ZDHHC14: variants seen among roughly 807,000 people sequenced by gnomAD.
ZDHHC14 encodes zDHHC palmitoyltransferase 14.
In ZDHHC14, 16 loss-of-function variants were observed where a neutral mutation model predicts 47.7. The ratio of observed to expected loss-of-function variants is 0.34; its 90% CI spans 0.23 to 0.51. ZDHHC14 has a LOEUF of 0.51. ZDHHC14 is among the 20% of genes least tolerant of loss of function. ZDHHC14 has a pLI of 0.97. For missense variants in ZDHHC14, 515 were observed against 662.5 expected (o/e 0.78, Z 2.44); for synonymous variants, 293 against 278.9 (o/e 1.05, Z -0.50).
intron 1 of ZDHHC14, among the ~76,000 whole-genome samples, chr6:157,383,692 C>G (rs1777257685): frequency 6.6e-6 from 1 of 152,212 alleles, no homozygotes; most frequent in Non-Finnish European, 1.5e-5. Context: ...CACACAACTC[C>G]TCTTCCCCAT....
intron 6 of ZDHHC14, 25 bp downstream of exon 6, chr6:157,645,864 C>G (rs768261687): frequency 3.1e-6 from 5 of 1,600,718 alleles, no homozygotes; most frequent in Non-Finnish European, 4.3e-6. Flanking sequence ...ACACGGGACA[C>G]GGGCGTGTTC....
chr6:157,540,302 G>A (rs1448105476), intron 1 of ZDHHC14, among the ~76,000 whole-genome samples: 1 of 152,200 alleles, frequency 6.6e-6, no homozygotes, highest in East Asian at 1.9e-4. Flanking sequence ...TCCCAACCCT[G>A]CAGAGAGTGC....
intron 1 of ZDHHC14, among the ~76,000 whole-genome samples, chr6:157,444,420 G>A (rs1778620127): frequency 6.6e-6 from 1 of 152,228 alleles, no homozygotes; most frequent in Non-Finnish European, 1.5e-5. Context: ...GCTCACGCCT[G>A]TAATCCAAGC....
chr6:157,512,113 C>T (rs865925789), intron 1 of ZDHHC14, among the ~76,000 whole-genome samples: 40 of 152,338 alleles, frequency 2.6e-4, no homozygotes, highest in Middle Eastern at 3.4e-3. Flanking sequence ...TCTTGCAGTT[C>T]CCTCCTGCGG....
chr6:157,538,103 C>T (rs1317683209), intron 1 of ZDHHC14, among the ~76,000 whole-genome samples: 1 of 152,224 alleles, frequency 6.6e-6, no homozygotes, highest in Non-Finnish European at 1.5e-5. Context: ...ATTTCTAGGA[C>T]AAACTCAGCA....
chr6:157,571,590 T>G (rs1783097616), intron 2 of ZDHHC14, among the ~76,000 whole-genome samples: 1 of 152,190 alleles, frequency 6.6e-6, no homozygotes, highest in East Asian at 1.9e-4. Context: ...CTTTCTCTTT[T>G]GTCTGTGTTT....
At chr6:157,622,372 C>T (rs1388888773) in intron 3 of ZDHHC14, among the ~76,000 whole-genome samples, 1 of 152,158 alleles carries the variant, frequency 6.6e-6, no homozygotes, top group Non-Finnish European at 1.5e-5. Context: ...GCCTGGGCAA[C>T]AGAGCAAGGC....
intron 1 of ZDHHC14, among the ~76,000 whole-genome samples, chr6:157,444,924 G>C (rs1294260411): frequency 6.6e-6 from 1 of 152,078 alleles, no homozygotes; most frequent in Non-Finnish European, 1.5e-5. Context: ...ACTGATCAAG[G>C]CAAAGCCCAG....
chr6:157,391,418 T>C (rs567989813), intron 1 of ZDHHC14, among the ~76,000 whole-genome samples: 36 of 152,266 alleles, frequency 2.4e-4, no homozygotes, highest in African/African-American at 8.2e-4. Flanking sequence ...TTCTGACCCT[T>C]TTATACCATA....
At chr6:157,561,350 G>A (rs1338689109) in intron 2 of ZDHHC14, among the ~76,000 whole-genome samples, 5 of 152,140 alleles carry the variant, frequency 3.3e-5, no homozygotes, top group Admixed American at 6.5e-5. Context: ...GGCTGCCATC[G>A]TAGTGCAGAA....
At chr6:157,451,471 T>C (rs916507023) in intron 1 of ZDHHC14, among the ~76,000 whole-genome samples, 6 of 152,264 alleles carry the variant, frequency 3.9e-5, no homozygotes, top group African/African-American at 1.4e-4. Flanking sequence ...TTGATAAACG[T>C]TGATTTAACA....
intron 2 of ZDHHC14, among the ~76,000 whole-genome samples, chr6:157,546,326 T>C (rs569330776): frequency 2.6e-5 from 4 of 152,372 alleles, no homozygotes; most frequent in African/African-American, 9.6e-5. Context: ...TGGAAACTTT[T>C]TATGGTTAGA....
At chr6:157,387,595 T>A (rs562765771) in intron 1 of ZDHHC14, among the ~76,000 whole-genome samples, 6 of 152,324 alleles carry the variant, frequency 3.9e-5, no homozygotes, top group African/African-American at 1.4e-4. Context: ...AGGAACATAG[T>A]ACATGGAGCC....
intron 7 of ZDHHC14, 79 bp from the exon 8 acceptor site, chr6:157,653,445 AC>A: frequency 6.7e-7 from 1 of 1,481,760 alleles, no homozygotes; most frequent in South Asian, 1.2e-5. Context: ...GGGAGCCCCG[AC>A]GCGGAACCTG....
intron 3 of ZDHHC14, among the ~76,000 whole-genome samples, chr6:157,604,173 A>C (rs904506829): frequency 1.3e-5 from 2 of 151,964 alleles, no homozygotes; most frequent in African/African-American, 4.8e-5. Context: ...TGTAAGCCCA[A>C]CTACCCAGGA....
intron 1 of ZDHHC14, among the ~76,000 whole-genome samples, chr6:157,497,536 A>G (rs558241664): frequency 6.6e-6 from 1 of 152,282 alleles, no homozygotes; most frequent in South Asian, 2.1e-4. Flanking sequence ...CCCCACAAGG[A>G]AGGAGTTATG....
chr6:157,438,577 G>A (rs944251415), intron 1 of ZDHHC14, among the ~76,000 whole-genome samples: 2 of 152,214 alleles, frequency 1.3e-5, no homozygotes, highest in African/African-American at 4.8e-5. Context: ...CAAATGTGAG[G>A]ATCACCATAG....
chr6:157,523,172 C>G (rs535087565), intron 1 of ZDHHC14, among the ~76,000 whole-genome samples: 38 of 151,576 alleles, frequency 2.5e-4, no homozygotes, highest in Non-Finnish European at 5.0e-4. Context: ...AAATGCTATT[C>G]TTAATTTCCT....
intron 1 of ZDHHC14, among the ~76,000 whole-genome samples, chr6:157,492,034 C>T (rs545011692): frequency 6.6e-6 from 1 of 152,366 alleles, no homozygotes; most frequent in South Asian, 2.1e-4. Flanking sequence ...ACTGCCTCGC[C>T]TTCATCACAG....
Sources: gnomAD v4.1 joint callset for allele counts (sites outside exome capture counted in the v4.1 genomes callset) on GRCh38, gnomAD v4.1.1 for gene constraint, MANE v1.5 for transcripts, NCBI Gene and HGNC (gene_info 2026-07-23, HGNC 2026-07-21) for gene names.